Variants in CFAP299 observed in about 807,000 individuals in gnomAD.
CFAP299 encodes the protein cilia- and flagella-associated protein 299.
A neutral mutation model predicts 27.0 loss-of-function variants in CFAP299; 21 were observed. The observed-to-expected ratio is 0.78, with a 90% CI of 0.55 to 1.12. CFAP299 has a LOEUF of 1.12. Among genes scored for constraint, CFAP299 ranks in the 50% most tolerant of loss-of-function variants. CFAP299 has a pLI of 0.00. For missense variants in CFAP299, 310 were observed against 276.6 expected, an observed-to-expected ratio of 1.12 and a Z score of -0.86; for synonymous variants, 104 against 98.1, an observed-to-expected ratio of 1.06 and a Z score of -0.36.
intron 3 of CFAP299, among the ~76,000 whole-genome samples, chr4:80,636,052 C>T (rs1739453701): frequency 6.6e-6 from 1 of 152,114 alleles, no homozygotes; most frequent in South Asian, 2.1e-4. Flanking sequence ...ATAGAAGCCT[C>T]AAATTAGAAA....
chr4:80,573,497 T>C (rs1460812874), intron 2 of CFAP299, among the ~76,000 whole-genome samples: 2 of 152,136 alleles, frequency 1.3e-5, no homozygotes, highest in East Asian at 3.9e-4. Flanking sequence ...TTTGCTTTGG[T>C]TGCCTGTGCT....
intron 1 of CFAP299, among the ~76,000 whole-genome samples, chr4:80,348,351 A>G (rs909885227): frequency 9.2e-5 from 14 of 152,242 alleles, no homozygotes; most frequent in Admixed American, 4.6e-4. Flanking sequence ...TGAACAGACA[A>G]CATACAGAAT....
At chr4:80,383,847 G>GTT (rs140855851) in intron 2 of CFAP299, among the ~76,000 whole-genome samples, 17 of 150,868 alleles carry the variant, frequency 1.1e-4, no homozygotes, top group South Asian at 2.1e-4. Context: ...TTATCTATCT[G>GTT]TTTTTTTTTG....
rs1740462544 is a variant in CFAP299 at position 80,654,591 on chromosome 4, T to A, written c.333+71408T>A. Among the ~76,000 whole-genome samples the A allele has an allele frequency of 2.6e-5, 4 of 152,206 alleles. No homozygotes were observed. The South Asian group carries it at 8.3e-4, about 32-fold the overall frequency. On this transcript the variant is annotated intron_variant, in intron 3 of 5. Coordinates refer to ENST00000358105, the MANE Select transcript of CFAP299 (RefSeq NM_152770.3). ...GCACTGAGTTAATAATTTGTGCAAT[T>A]CAATATTCATTATTCTAAGCTTTTT...
At chr4:80,582,292 G>A (rs1203020155) in intron 2 of CFAP299, among the ~76,000 whole-genome samples, 1 of 151,628 alleles carries the variant, frequency 6.6e-6, no homozygotes, top group African/African-American at 2.4e-5. Context: ...TTATCACATG[G>A]TATGACATTA....
At chr4:80,652,639 T>C (rs528872758) in intron 3 of CFAP299, among the ~76,000 whole-genome samples, 131 of 152,280 alleles carry the variant, frequency 8.6e-4, no homozygotes, top group African/African-American at 3.1e-3. Context: ...TCAAAACATA[T>C]TGAATGCATC....
chr4:80,905,158 G>A (rs1735119356), intron 4 of CFAP299, among the ~76,000 whole-genome samples: 1 of 152,128 alleles, frequency 6.6e-6, no homozygotes, highest in African/African-American at 2.4e-5. Flanking sequence ...AACTGGAAAA[G>A]CTTAGTTAAA....
intron 2 of CFAP299, among the ~76,000 whole-genome samples, chr4:80,518,167 AC>A (rs1322390686): frequency 6.6e-6 from 1 of 152,082 alleles, no homozygotes; most frequent in African/African-American, 2.4e-5. Flanking sequence ...ATTCATATGG[AC>A]TTTGAAGACA....
Position 80,518,763 on chromosome 4 carries a change from C to T in CFAP299, c.243-64330C>T, listed in dbSNP as rs78650723. 2.0e-3 allele frequency among the ~76,000 whole-genome samples: 298 copies of T among 152,136 alleles called. 12 individuals carry two copies. In the East Asian group the frequency reaches 0.05, roughly 25 times the overall value. ...TTGGCCATCAGGTATCCCTGCCTGG[C>T]GAATGGGAGTATGGGGCCCTCAAGT... On this transcript the variant is annotated intron_variant, in intron 2 of 5. Coordinates refer to ENST00000358105, the MANE Select transcript of CFAP299 (RefSeq NM_152770.3).
intron 3 of CFAP299, among the ~76,000 whole-genome samples, chr4:80,700,686 G>A (rs1721418568): frequency 6.6e-6 from 1 of 152,000 alleles, no homozygotes; most frequent in African/African-American, 2.4e-5. Flanking sequence ...TATGGGGATA[G>A]GATGTTTAGC....
chr4:80,608,466 G>T (rs1737792452), intron 3 of CFAP299: 1 of 727,236 alleles, frequency 1.4e-6, no homozygotes, highest in African/African-American at 1.8e-5. Context: ...CCACTCCAAG[G>T]GCTATTGCTA....
At chr4:80,784,619 G>A (rs1436860413) in intron 3 of CFAP299, among the ~76,000 whole-genome samples, 1 of 152,084 alleles carries the variant, frequency 6.6e-6, no homozygotes, top group Non-Finnish European at 1.5e-5. Flanking sequence ...CCAGGATCAA[G>A]TGATTCTGCT....
intron 3 of CFAP299, among the ~76,000 whole-genome samples, chr4:80,846,699 T>C (rs757192983): frequency 2.0e-5 from 3 of 152,180 alleles, no homozygotes; most frequent in African/African-American, 7.2e-5. Flanking sequence ...TGTTAATTGA[T>C]GAGATTCTGC....
chr4:80,863,124 C>T (rs1418892348), intron 3 of CFAP299, among the ~76,000 whole-genome samples: 1 of 151,552 alleles, frequency 6.6e-6, no homozygotes, highest in East Asian at 1.9e-4. Flanking sequence ...AACACAAGAA[C>T]TTAGCTTTGT....
chr4:80,831,662 G>A (rs1286281296), intron 3 of CFAP299, among the ~76,000 whole-genome samples: 1 of 152,044 alleles, frequency 6.6e-6, no homozygotes, highest in Non-Finnish European at 1.5e-5. Flanking sequence ...TACATACAAT[G>A]AATTTTGACA....
chr4:80,925,667 C>G (rs1356304446), intron 4 of CFAP299, among the ~76,000 whole-genome samples: 1 of 151,704 alleles, frequency 6.6e-6, no homozygotes, highest in African/African-American at 2.4e-5. Context: ...ACCTCAATCT[C>G]TTAGTGAAAA....
At chr4:80,821,338 G>T (rs1729694279) in intron 3 of CFAP299, among the ~76,000 whole-genome samples, 1 of 152,126 alleles carries the variant, frequency 6.6e-6, no homozygotes, top group African/African-American at 2.4e-5. Flanking sequence ...AATTTTAAAA[G>T]TGTTTATTTC....
intron 3 of CFAP299, among the ~76,000 whole-genome samples, chr4:80,863,983 A>C (rs959743600): frequency 5.3e-5 from 8 of 152,078 alleles, no homozygotes; most frequent in Non-Finnish European, 1.0e-4. Flanking sequence ...ATAGAGATAG[A>C]AAGTAGATTA....
At chr4:80,559,724 A>G (rs1249285483) in intron 2 of CFAP299, among the ~76,000 whole-genome samples, 1 of 152,150 alleles carries the variant, frequency 6.6e-6, no homozygotes, top group Admixed American at 6.5e-5. Flanking sequence ...CTGCTAGAGT[A>G]AAAAGGAAAC....
Sources: gnomAD v4.1 joint callset for allele counts (sites outside exome capture counted in the v4.1 genomes callset) on GRCh38, gnomAD v4.1.1 for gene constraint, MANE v1.5 for transcripts, NCBI Gene and HGNC (gene_info 2026-07-23, HGNC 2026-07-21) for gene names.